The following HLTF variants were observed in gnomAD, a reference collection of about 807,000 sequenced individuals.
HLTF encodes helicase like transcription factor, also known as DNA-dependent ATPase/E3 ubiquitin-protein ligase HLTF.
HLTF carries 127 observed loss-of-function variants against 129.4 expected under a neutral mutation model. That is an observed-to-expected ratio of 0.98 (90% CI 0.85 to 1.14). The LOEUF is 1.14. Ranked by LOEUF, HLTF falls within the 50% of genes most tolerant of loss-of-function variation. The pLI is 0.00. For missense variants in HLTF, 1,139 were observed against 1,187.1 expected (o/e 0.96, Z 0.60); for synonymous variants, 332 against 388.8 (o/e 0.85, Z 1.72).
intron 18 of HLTF, among the ~76,000 whole-genome samples, chr3:149,044,298 G>A (rs1264314678): frequency 1.3e-5 from 2 of 152,072 alleles, no homozygotes; most frequent in East Asian, 3.8e-4. Context: ...CTTATTTTCT[G>A]AGAACAGTTT....
chr3:149,051,440 G>C (rs1716987167), intron 14 of HLTF, among the ~76,000 whole-genome samples: 1 of 152,158 alleles, frequency 6.6e-6, no homozygotes, highest in African/African-American at 2.4e-5. Flanking sequence ...CTGTAAGAAT[G>C]AATGAAATTT....
chr3:149,053,793 T>A (rs986682021), intron 14 of HLTF, among the ~76,000 whole-genome samples: 1 of 152,182 alleles, frequency 6.6e-6, no homozygotes, highest in Admixed American at 6.5e-5. Context: ...ATTTTAAAAA[T>A]ACATCTCTAT....
At chr3:149,079,760 T>C (rs1719717750) in intron 2 of HLTF, among the ~76,000 whole-genome samples, 1 of 151,922 alleles carries the variant, frequency 6.6e-6, no homozygotes, top group South Asian at 2.1e-4. Context: ...GCCCAGCTAA[T>C]TTTTGTATTT....
chr3:149,057,719 AC>A (rs1717596960), intron 13 of HLTF, among the ~76,000 whole-genome samples: 1 of 152,206 alleles, frequency 6.6e-6, no homozygotes, highest in South Asian at 2.1e-4. Context: ...CAGATAAAGA[AC>A]AACTGTGTTT....
chr3:149,075,809 C>T (rs538617722), intron 3 of HLTF, 72 bp downstream of exon 3: 1 of 997,452 alleles, frequency 1.0e-6, no homozygotes, highest in African/African-American at 1.6e-5. Context: ...TAGGCTCTAA[C>T]AAGAAGCCCT....
At chr3:149,083,256 A>C (rs951265791) in intron 2 of HLTF, among the ~76,000 whole-genome samples, 1 of 152,174 alleles carries the variant, frequency 6.6e-6, no homozygotes, top group Non-Finnish European at 1.5e-5. Flanking sequence ...CGTTTCAAAA[A>C]AAAAACAAAA....
At chr3:149,073,430 A>C in intron 4 of HLTF, 108 bp from the exon 5 acceptor site, 2 of 768,802 alleles carry the variant, frequency 2.6e-6, no homozygotes, top group Non-Finnish European at 4.2e-6. Flanking sequence ...GCTGTGGCTC[A>C]TGCCTGTAAC....
rs1302589067 is a variant in HLTF at position 149,086,264 on chromosome 3, G to C, written c.20+53C>G. On this transcript the variant is annotated intron_variant, in intron 1 of 24. Transcript: ENST00000310053. ...ACGCGGGGAAGGTCAGGTTCATTTG[G>C]GGACGCCTCCAGGCCGTTAGACCGA... 4.5e-6 allele frequency: 7 copies of C among 1,569,254 alleles called. No individual in the cohort carries two copies. In the East Asian group the frequency reaches 1.4e-4, roughly 31 times the overall value.
chr3:149,036,294 G>T (rs539662546), intron 23 of HLTF, among the ~76,000 whole-genome samples: 2 of 62,162 alleles, frequency 3.2e-5, no homozygotes, highest in East Asian at 4.6e-4. Context: ...TTAAAACTAT[G>T]AGGTTTTTTT....
In HLTF at chr3:149,063,431, C is replaced by A; in HGVS notation, c.1160G>T (p.Arg387Ile). ...ACATAATCAAACCATAATAGTTTAC[C>A]TTTTGGGGCGGGAGCTAGACAATTC... Reference protein sequence around the residue: ...MSELSSSRPKRRKTAVQYIES... With the variant: ...MSELSSSRPKIRKTAVQYIES... The change falls in exon 10 of 25, where the codon AGA (arginine) becomes ATA (isoleucine). Residue 387 changes from arginine to isoleucine, a missense_variant and splice_region_variant. Transcript: ENST00000310053. 1 of 1,552,616 alleles carries A rather than the reference C, an allele frequency of 6.4e-7. No individual in the cohort carries two copies. Among genetic ancestry groups the A allele is most frequent in the Non-Finnish European group, 8.9e-7 (1 of 1,124,216 alleles).
chr3:149,059,865 C>T (rs1209751243), intron 12 of HLTF, 58 bp from the exon 13 acceptor site: 4 of 987,834 alleles, frequency 4.0e-6, no homozygotes, highest in Non-Finnish European at 4.7e-6. Context: ...TGCTAGAGTA[C>T]AGGTACTTTC....
chr3:149,038,955 A>T, intron 23 of HLTF, 94 bp downstream of exon 23: 1 of 666,352 alleles, frequency 1.5e-6, no homozygotes, highest in Non-Finnish European at 2.4e-6. Context: ...TTTCACAGTT[A>T]ATTATAACTA....
chr3:149,078,856 C>CAAAAAAA (rs35279410), intron 2 of HLTF, among the ~76,000 whole-genome samples: 4 of 129,958 alleles, frequency 3.1e-5, no homozygotes. Flanking sequence ...GACTCCGTCT[C>CAAAAAAA]AAAAAAAAAA....
chr3:149,055,029 T>G (rs1448318375), intron 14 of HLTF, among the ~76,000 whole-genome samples: 2 of 152,322 alleles, frequency 1.3e-5, no homozygotes, highest in East Asian at 3.9e-4. Flanking sequence ...CTTTCCCACT[T>G]TGGGGGACAA....
chr3:149,036,296 G>GGTTTTTT (rs1559852860), intron 23 of HLTF, among the ~76,000 whole-genome samples: 1 of 57,584 alleles, frequency 1.7e-5, no homozygotes. Context: ...AAAACTATGA[G>GGTTTTTT]GTTTTTTTTT....
chr3:149,053,548 G>A (rs1266411615), intron 14 of HLTF, among the ~76,000 whole-genome samples: 4 of 152,164 alleles, frequency 2.6e-5, no homozygotes, highest in Admixed American at 6.5e-5. Context: ...AAAGCCTGCA[G>A]TATCATGAGC....
chr3:149,045,703 G>A (rs573696747), intron 18 of HLTF, among the ~76,000 whole-genome samples: 1 of 152,226 alleles, frequency 6.6e-6, no homozygotes, highest in East Asian at 1.9e-4. Flanking sequence ...CATTAAACCT[G>A]ATCTTGCTTG....
intron 9 of HLTF, among the ~76,000 whole-genome samples, chr3:149,064,192 A>T (rs1718172767): frequency 6.6e-6 from 1 of 152,084 alleles, no homozygotes; most frequent in Admixed American, 6.5e-5. Flanking sequence ...ACAAAATCAA[A>T]AACAAAAAAA....
chr3:149,073,649 C>T (rs2108050923), intron 4 of HLTF, among the ~76,000 whole-genome samples: 1 of 152,220 alleles, frequency 6.6e-6, no homozygotes, highest in East Asian at 1.9e-4. Context: ...AGCCACTGAT[C>T]GTGGCCACTG....
Sources: gnomAD v4.1 joint callset for allele counts (sites outside exome capture counted in the v4.1 genomes callset) on GRCh38, gnomAD v4.1.1 for gene constraint, MANE v1.5 for transcripts, NCBI Gene and HGNC (gene_info 2026-07-23, HGNC 2026-07-21) for gene names.